Variants in SNED1 observed in about 807,000 individuals in gnomAD.
SNED1 encodes sushi, nidogen and EGF-like domain-containing protein 1.
A neutral mutation model predicts 166.7 loss-of-function variants in SNED1; 81 were observed. That is an observed-to-expected ratio of 0.49 (90% confidence interval 0.41 to 0.58). The LOEUF (loss-of-function observed/expected upper bound fraction) is 0.58, where lower values mean the gene tolerates loss of function less well. Ranked by LOEUF, SNED1 falls within the 20% of genes least tolerant of loss-of-function variation. The pLI, the probability that SNED1 is intolerant of heterozygous loss-of-function variation, is 0.00. For synonymous variants in SNED1, 762 were observed against 822.0 expected (o/e 0.93, Z 1.25); for missense variants, 1,604 against 2,000.2 (o/e 0.80, Z 3.78).
intron 27 of SNED1, among the ~76,000 whole-genome samples, chr2:241,079,411 CAAA>C (rs757361914): frequency 4.0e-5 from 3 of 74,438 alleles, no homozygotes; most frequent in Non-Finnish European, 2.9e-5. Flanking sequence ...GACTCCATCT[CAAA>C]AAAAAAAAAA....
chr2:241,004,763 G>A (rs189799096), intron 1 of SNED1, among the ~76,000 whole-genome samples: 17 of 152,084 alleles, frequency 1.1e-4, no homozygotes, highest in African/African-American at 3.6e-4. Flanking sequence ...TCACTCTGTC[G>A]CCAGGTTGGA....
chr2:241,012,914 C>T (rs747419318), intron 1 of SNED1, among the ~76,000 whole-genome samples: 2 of 150,386 alleles, frequency 1.3e-5, no homozygotes, highest in Non-Finnish European at 3.0e-5. Flanking sequence ...CAGCTCACTG[C>T]AAGCTCCGCC....
upstream of SNED1, among the ~76,000 whole-genome samples, chr2:240,998,213 G>A (rs1411265082): frequency 6.6e-6 from 1 of 152,266 alleles, no homozygotes; most frequent in Non-Finnish European, 1.5e-5. Flanking sequence ...CCCTGTGGCT[G>A]GAAGCCTGGC....
intron 6 of SNED1, 108 bp from the exon 7 acceptor site, chr2:241,039,967 A>G: frequency 1.1e-6 from 1 of 869,846 alleles, no homozygotes; most frequent in African/African-American, 1.7e-5. Flanking sequence ...GCCCCCCTGC[A>G]ATGTAAGCCA....
At position 240,999,616 on chromosome 2, in the gene SNED1, C is replaced by G. The variant is rs1036374874; in HGVS notation, c.213+566C>G. Among the ~76,000 whole-genome samples the G allele has an allele frequency of 6.6e-6, 1 of 152,200 alleles. No individual in the cohort carries two copies. The highest frequency in any genetic ancestry group is 6.5e-5 in the Admixed American group (1 of 15,284). ...TAGCAACAGGCTTGCCCCTCCCTGC[C>G]GTCCTCTCCGCAGTCTGGGGGCTGG... On this transcript the variant is annotated intron_variant, in intron 1 of 31. Coordinates refer to ENST00000310397, the MANE Select transcript of SNED1 (RefSeq NM_001080437.3). The surrounding 1 kb of genome is among the most constrained non-coding windows in gnomAD (Gnocchi z 5.8).
chr2:241,071,526 G>A, intron 24 of SNED1, 50 bp from the exon 25 acceptor site: 1 of 1,551,814 alleles, frequency 6.4e-7, no homozygotes, highest in Admixed American at 1.9e-5. Flanking sequence ...GGCAGGGACA[G>A]GAGCAGAGGG....
At chr2:241,017,049 C>T (rs567018421) in intron 1 of SNED1, among the ~76,000 whole-genome samples, 2 of 151,860 alleles carry the variant, frequency 1.3e-5, no homozygotes, top group Non-Finnish European at 2.9e-5. Context: ...CGGGGTTTCT[C>T]CATGTTGGTC....
At chr2:241,048,586 G>A (rs1411745189) in intron 9 of SNED1, 76 bp from the exon 10 acceptor site, 2 of 1,505,358 alleles carry the variant, frequency 1.3e-6, no homozygotes, top group Non-Finnish European at 1.8e-6. Flanking sequence ...TTGGCCAGGA[G>A]CAGGGCAGGG....
At chr2:241,032,497 T>C (rs1413610783) in intron 2 of SNED1, among the ~76,000 whole-genome samples, 1 of 87,742 alleles carries the variant, frequency 1.1e-5, no homozygotes, top group East Asian at 3.7e-4. Context: ...GGTGGGGGGG[T>C]CGGGGGAGGG....
rs190466688 is a variant in SNED1 at position 241,034,908 on chromosome 2, C to T, written c.805+178C>T. ...AGGAAAGCCTGGCTGGTCCTGCAGCCTCAGCTTCCCCTAGAGAAGACCCCA... is the reference window on the plus strand; with the variant it reads ...AGGAAAGCCTGGCTGGTCCTGCAGCTTCAGCTTCCCCTAGAGAAGACCCCA... On this transcript the variant is annotated intron_variant, in intron 4 of 31. Coordinates refer to ENST00000310397, the MANE Select transcript of SNED1 (RefSeq NM_001080437.3). 2.6e-5 allele frequency among the ~76,000 whole-genome samples: 4 copies of T among 152,262 alleles called. No individual in the cohort carries two copies. The East Asian group carries it at 7.7e-4, about 29-fold the overall frequency.
chr2:241,077,004 G>A lies in SNED1; in HGVS notation c.3916+3640G>A, dbSNP rs568161264. On this transcript the variant is annotated intron_variant, in intron 27 of 31. Transcript: ENST00000310397. ...TGAGGCAGGAGAATGGCGTGAACCC[G>A]GGAGGTGGAGCTTGCAGTGAGCTGA... Among the ~76,000 whole-genome samples the A allele has an allele frequency of 9.7e-3, 1,475 of 152,152 alleles. 21 individuals carry two copies. The highest frequency in any genetic ancestry group is 0.033 in the African/African-American group (1,360 of 41,508).
At chr2:241,081,326 G>A (rs568199888) in intron 27 of SNED1, among the ~76,000 whole-genome samples, 40 of 152,292 alleles carry the variant, frequency 2.6e-4, no homozygotes, top group African/African-American at 8.7e-4. Flanking sequence ...AGCAAGGGTC[G>A]GGGTGGGGAG....
At chr2:241,029,059 G>A (rs2061075598) in intron 1 of SNED1, among the ~76,000 whole-genome samples, 1 of 152,172 alleles carries the variant, frequency 6.6e-6, no homozygotes, top group South Asian at 2.1e-4. Flanking sequence ...CCCGTTCCAG[G>A]CTTCACCCAA....
chr2:241,072,486 C>T, intron 26 of SNED1: 1 of 343,100 alleles, frequency 2.9e-6, no homozygotes, highest in South Asian at 2.2e-5. Context: ...GCCCTTGCCT[C>T]TCACCTGGAA....
rs576019822 is a variant in SNED1, at chr2:241,032,496, GTC to G, written c.502-1238_502-1237del. Among the ~76,000 whole-genome samples the G allele has an allele frequency of 2.0e-3, 276 of 135,536 alleles. 3 individuals carry two copies. Among genetic ancestry groups the G allele is most frequent in the African/African-American group, 6.6e-3 (247 of 37,556 alleles). 88.9% of individuals were successfully genotyped at this position (135,536 alleles called of 152,430 possible). A position where few individuals can be genotyped will look rare whatever the true frequency, so the allele number is the denominator to read the frequency against. On this transcript the variant is annotated intron_variant, in intron 2 of 31. Transcript: ENST00000310397. ...CCAGGGCCTGTCGTGGGGTGGGGGGGTCGGGGGAGGGATAGCATTAGGAGACA... is the reference window on the plus strand; with the variant it reads ...CCAGGGCCTGTCGTGGGGTGGGGGGGGGGGGAGGGATAGCATTAGGAGACA...
intron 1 of SNED1, among the ~76,000 whole-genome samples, chr2:241,011,587 T>C (rs1030413287): frequency 6.6e-6 from 1 of 152,246 alleles, no homozygotes; most frequent in African/African-American, 2.4e-5. Context: ...CCCCTTGTTT[T>C]CCACATCTCT....
At chr2:241,040,446 C>T in intron 8 of SNED1, 33 bp downstream of exon 8, 4 of 1,372,762 alleles carry the variant, frequency 2.9e-6, no homozygotes, top group South Asian at 1.3e-5. Context: ...GCCACCATGG[C>T]TGATGGTGGC....
chr2:241,051,473 G>T lies in SNED1; in HGVS notation c.1736-271G>T. 1 of 367,520 alleles carries T rather than the reference G, an allele frequency of 2.7e-6. No homozygotes were observed. Among genetic ancestry groups the T allele is most frequent in the Non-Finnish European group, 4.9e-6 (1 of 205,488 alleles). The allele number at this position is 367,520 out of a possible 1,614,324, so 22.8% of individuals were successfully genotyped here. A position where few individuals can be genotyped will look rare whatever the true frequency, so the allele number is the denominator to read the frequency against. On this transcript the variant is annotated intron_variant, in intron 12 of 31. Coordinates refer to ENST00000310397, the MANE Select transcript of SNED1 (RefSeq NM_001080437.3). The surrounding 1 kb of genome is among the most constrained non-coding windows in gnomAD (Gnocchi z 4.7). ...TGTTGGGGCCGGTTCTCCACAGGAA[G>T]GGCCCAGCCATTGCCAGAGCCTGGG...
Position 241,065,576 on chromosome 2 carries a change from C to A in SNED1, c.2991C>A (p.Ala997=). Residue 997 remains alanine, a synonymous_variant, in exon 21 of 32, where the codon GCC becomes GCA. Transcript: ENST00000310397. ...ACAAGAATGACATCAGCAGGCCTGC[C>A]GTGCTGCTGGCCCGCACGCGTGAGT... ...SNNKNDISRP[A]VLLARTRPRP... is the part of the protein sequence containing the mutation. 1 of 1,612,206 alleles carries A rather than the reference C, an allele frequency of 6.2e-7. No individual in the cohort carries two copies. The highest frequency in any genetic ancestry group is 1.1e-5 in the South Asian group (1 of 91,020).
Sources: allele counts gnomAD v4.1 joint callset (sites outside exome capture counted in the v4.1 genomes callset), GRCh38; gene constraint gnomAD v4.1.1; non-coding constraint Gnocchi (gnomAD v3.1); transcripts MANE v1.5; gene names NCBI Gene and HGNC (gene_info 2026-07-23, HGNC 2026-07-21).